The following ASIC2 variants were observed in gnomAD, a reference collection of about 807,000 sequenced individuals.
ASIC2 encodes acid-sensing ion channel 2.
A neutral mutation model predicts 57.3 loss-of-function variants in ASIC2; 25 were observed. The observed-to-expected ratio is 0.44, with a 90% confidence interval of 0.32 to 0.61. The LOEUF is 0.61. Ranked by LOEUF, ASIC2 falls within the 20% of genes least tolerant of loss-of-function variation. ASIC2 has a pLI of 0.06. For synonymous variants in ASIC2, 319 were observed against 307.5 expected (o/e 1.04, Z -0.39); for missense variants, 641 against 738.1 (o/e 0.87, Z 1.52).
intron 1 of ASIC2, among the ~76,000 whole-genome samples, chr17:33,436,647 G>C (rs769400465): frequency 1.3e-4 from 20 of 152,190 alleles, no homozygotes; most frequent in South Asian, 1.2e-3. Flanking sequence ...TTGAGTCTCA[G>C]GGAGACTGAC....
At chr17:33,344,100 G>A (rs772261799) in intron 1 of ASIC2, among the ~76,000 whole-genome samples, 79 of 152,274 alleles carry the variant, frequency 5.2e-4, no homozygotes, top group Non-Finnish European at 9.6e-4. Context: ...TTGGGTTAAT[G>A]TCCAACTTCC....
chr17:33,467,593 C>T (rs1912908214), intron 1 of ASIC2, among the ~76,000 whole-genome samples: 2 of 152,142 alleles, frequency 1.3e-5, no homozygotes, highest in African/African-American at 4.8e-5. Flanking sequence ...TCTCTGAAGC[C>T]CTTGCTACCT....
rs140224894 is a variant in ASIC2, at chr17:33,982,110, G to C, written c.555+173868C>G. Reference sequence around the variant, plus strand: ...TCCTTGTTCTCCTGGGAGCAGACTGGGCCTGCTTTGGGGCTGAGCCAGTTC... The same window carrying C: ...TCCTTGTTCTCCTGGGAGCAGACTGCGCCTGCTTTGGGGCTGAGCCAGTTC... On this transcript the variant is annotated intron_variant, in intron 1 of 9. Coordinates refer to the ASIC2 transcript ENST00000359872. 6.3e-3 allele frequency among the ~76,000 whole-genome samples: 954 copies of C among 152,262 alleles called. 17 individuals are homozygous for C. The highest frequency in any genetic ancestry group is 0.022 in the African/African-American group (905 of 41,542).
At chr17:33,841,915 A>C (rs1447132641) in intron 1 of ASIC2, among the ~76,000 whole-genome samples, 1 of 152,188 alleles carries the variant, frequency 6.6e-6, no homozygotes, top group Non-Finnish European at 1.5e-5. Flanking sequence ...GGTGAGCTGG[A>C]CAGAAGAGCC....
At chr17:33,173,681 C>G (rs1184129441) in intron 1 of ASIC2, among the ~76,000 whole-genome samples, 1 of 152,156 alleles carries the variant, frequency 6.6e-6, no homozygotes, top group Non-Finnish European at 1.5e-5. Context: ...GGGTTCTAAG[C>G]CATTTAACAG....
intron 1 of ASIC2, among the ~76,000 whole-genome samples, chr17:33,710,891 C>A (rs142291460): frequency 6.6e-6 from 1 of 152,078 alleles, no homozygotes; most frequent in African/African-American, 2.4e-5. Context: ...AATAAGATGA[C>A]GCTATTTTGT....
At chr17:33,467,636 T>C (rs1339699822) in intron 1 of ASIC2, among the ~76,000 whole-genome samples, 1 of 152,214 alleles carries the variant, frequency 6.6e-6, no homozygotes, top group African/African-American at 2.4e-5. Flanking sequence ...AACCTTGGTC[T>C]CCACAACCCC....
At chr17:33,493,993 C>A (rs375185612) in intron 1 of ASIC2, among the ~76,000 whole-genome samples, 4 of 152,226 alleles carry the variant, frequency 2.6e-5, no homozygotes, top group Non-Finnish European at 4.4e-5. Flanking sequence ...ACTCTTACAG[C>A]CAACCTGATT....
At chr17:33,097,525 A>C (rs1041800940) in intron 2 of ASIC2, among the ~76,000 whole-genome samples, 1 of 152,198 alleles carries the variant, frequency 6.6e-6, no homozygotes, top group African/African-American at 2.4e-5. Flanking sequence ...AAAAAATGGA[A>C]GCTCACAGAG....
chr17:33,241,356 A>T (rs985448859), intron 1 of ASIC2, among the ~76,000 whole-genome samples: 1 of 152,206 alleles, frequency 6.6e-6, no homozygotes, highest in Admixed American at 6.5e-5. Context: ...TATTTCATTC[A>T]CGTGGTGGGA....
At chr17:33,371,347 C>T (rs1410850191) in intron 1 of ASIC2, among the ~76,000 whole-genome samples, 1 of 152,170 alleles carries the variant, frequency 6.6e-6, no homozygotes, top group African/African-American at 2.4e-5. Flanking sequence ...GGTTCAAATG[C>T]CTCTGACACA....
chr17:33,540,226 C>T (rs1567644084), intron 1 of ASIC2, among the ~76,000 whole-genome samples: 1 of 152,166 alleles, frequency 6.6e-6, no homozygotes, highest in Non-Finnish European at 1.5e-5. Flanking sequence ...TCTTCACATC[C>T]TCTTCCCTCT....
rs534913694 is a variant in ASIC2 at position 33,219,907 on chromosome 17, G to A, written c.708+71501C>T. Among the ~76,000 whole-genome samples the A allele has an allele frequency of 3.9e-5, 6 of 152,286 alleles. No homozygotes were observed. The South Asian group carries it at 1.0e-3, about 26-fold the overall frequency. On this transcript the variant is annotated intron_variant, in intron 1 of 9. Transcript: ENST00000225823. ...GGTCCCCTGGGCTCTGCAGAGCAGG[G>A]TCATGGACATGCCACATTCTTCCCT... is the stretch of plus-strand genomic sequence containing the variant.
chr17:34,155,573 ACACACG>A lies in ASIC2; in HGVS notation c.555+399_555+404del, dbSNP rs568709723. The A allele has an allele frequency of 7.8e-3, 1,505 of 192,320 alleles. 8 individuals carry two copies. Among genetic ancestry groups the A allele is most frequent in the Middle Eastern group, 0.022 (10 of 464 alleles). 11.9% of individuals were successfully genotyped at this position (192,320 alleles called of 1,614,324 possible). The stretch of plus-strand genomic sequence containing the variant: ...ATGCCACTTCCGAGCAGAGAGAGAC[ACACACG>A]CACACGCACACGCACACACACACAG... On this transcript the variant is annotated intron_variant, in intron 1 of 9. Coordinates refer to the ASIC2 transcript ENST00000359872.
chr17:33,891,589 G>A (rs975508598), intron 1 of ASIC2, among the ~76,000 whole-genome samples: 1 of 152,068 alleles, frequency 6.6e-6, no homozygotes, highest in Non-Finnish European at 1.5e-5. Context: ...GTCACTTTAG[G>A]TTAATCCCAT....
At chr17:33,483,803 G>A (rs551831060) in intron 1 of ASIC2, among the ~76,000 whole-genome samples, 1 of 152,310 alleles carries the variant, frequency 6.6e-6, no homozygotes, top group Non-Finnish European at 1.5e-5. Context: ...AATTGTCCAC[G>A]TATTAGTCCT....
chr17:34,143,392 T>A (rs1912325865), intron 1 of ASIC2, among the ~76,000 whole-genome samples: 1 of 152,084 alleles, frequency 6.6e-6, no homozygotes. Flanking sequence ...TGTTGGGAGG[T>A]GGTCCCTTTA....
intron 9 of ASIC2, 21 bp from the exon 10 acceptor site, chr17:33,014,087 G>A: frequency 6.4e-7 from 1 of 1,558,026 alleles, no homozygotes; most frequent in Non-Finnish European, 8.7e-7. Context: ...AGGGTTGGTG[G>A]GAGTTTATTA....
chr17:33,398,388 T>C (rs957521816), intron 1 of ASIC2, among the ~76,000 whole-genome samples: 1 of 152,150 alleles, frequency 6.6e-6, no homozygotes, highest in African/African-American at 2.4e-5. Flanking sequence ...GGAGATAACT[T>C]ACAAAATTTC....
Sources: gnomAD v4.1 joint callset for allele counts (sites outside exome capture counted in the v4.1 genomes callset) on GRCh38, gnomAD v4.1.1 for gene constraint, MANE v1.5 for transcripts, NCBI Gene and HGNC (gene_info 2026-07-23, HGNC 2026-07-21) for gene names.